The following GABRA5 variants were observed in gnomAD, a reference collection of about 807,000 sequenced individuals.
The protein encoded by GABRA5 is gamma-aminobutyric acid type A receptor subunit alpha5.
Under a neutral mutation model 47.3 loss-of-function variants are expected in GABRA5, and 18 were observed. The observed-to-expected ratio is 0.38, with a 90% CI of 0.26 to 0.56. The LOEUF (loss-of-function observed/expected upper bound fraction) is 0.56. GABRA5 is among the 20% of genes least tolerant of loss of function. The probability of loss-of-function intolerance (pLI) is 0.71; values close to 1 mark genes in which losing one functional copy is unlikely to be tolerated. For synonymous variants in GABRA5, 237 were observed against 229.3 expected (o/e 1.03, Z -0.30); for missense variants, 365 against 599.3 (o/e 0.61, Z 4.08).
chr15:26,901,043 A>G (rs975755021), intron 6 of GABRA5, among the ~76,000 whole-genome samples: 21 of 149,556 alleles, frequency 1.4e-4, no homozygotes, highest in Admixed American at 1.1e-3. Context: ...TGCATACACT[A>G]TAGTTTATCC....
chr15:26,902,322 T>C (rs1451519648), intron 6 of GABRA5, among the ~76,000 whole-genome samples: 1 of 152,006 alleles, frequency 6.6e-6, no homozygotes, highest in Non-Finnish European at 1.5e-5. Context: ...TTTATTAGAG[T>C]TTTCTTGTTT....
intron 7 of GABRA5, among the ~76,000 whole-genome samples, chr15:26,928,923 G>T (rs1894025299): frequency 6.6e-6 from 1 of 151,988 alleles, no homozygotes; most frequent in Non-Finnish European, 1.5e-5. Context: ...CTTTTATAAG[G>T]GCATTAATCC....
chr15:26,931,550 G>A (rs185411151), intron 7 of GABRA5, among the ~76,000 whole-genome samples: 1 of 152,288 alleles, frequency 6.6e-6, no homozygotes, highest in African/African-American at 2.4e-5. Context: ...TCTATAGCAG[G>A]TGTGTTAAGC....
At chr15:26,881,782 C>T (rs1200622639) in intron 4 of GABRA5, among the ~76,000 whole-genome samples, 6 of 152,164 alleles carry the variant, frequency 3.9e-5, no homozygotes, top group Non-Finnish European at 8.8e-5. Context: ...TCACTGCAAC[C>T]TCTGCCTCCC....
intron 7 of GABRA5, among the ~76,000 whole-genome samples, chr15:26,915,141 C>A (rs559724476): frequency 7.2e-5 from 11 of 152,238 alleles, no homozygotes; most frequent in African/African-American, 7.2e-5. Context: ...TGGAATGTGC[C>A]CCTCTGGGGG....
Position 26,948,206 on chromosome 15 carries a change from G to A in GABRA5, c.1362G>A (p.Val454=), listed in dbSNP as rs866012141. The A allele has an allele frequency of 1.2e-6, 2 of 1,612,446 alleles. No homozygotes were observed. Among genetic ancestry groups the A allele is most frequent in the Non-Finnish European group, 1.7e-6 (2 of 1,179,578 alleles). The change falls in exon 11 of 11, where the codon GTG becomes GTA. Residue 454 remains valine (V), a synonymous_variant. Coordinates refer to ENST00000335625, the MANE Select transcript of GABRA5 (RefSeq NM_000810.4). ...CAACGTATTTGAATAGGGAGCCGGT[G>A]ATAAAAGGAGCCGCCTCTCCAAAAT... is the stretch of plus-strand genomic sequence containing the variant. The part of the protein sequence containing the change: ...YWATYLNREP[V]IKGAASPK
At chr15:26,930,324 A>G (rs1254469536) in intron 7 of GABRA5, among the ~76,000 whole-genome samples, 4 of 152,068 alleles carry the variant, frequency 2.6e-5, no homozygotes, top group African/African-American at 9.7e-5. Flanking sequence ...CTTCTTAACT[A>G]ACAATTCCAT....
intron 6 of GABRA5, among the ~76,000 whole-genome samples, chr15:26,894,106 G>A (rs1477243044): frequency 2.1e-5 from 3 of 142,040 alleles, no homozygotes; most frequent in Non-Finnish European, 4.7e-5. Flanking sequence ...GGAGGCTGGA[G>A]CGCAGCGGCC....
chr15:26,929,158 A>G (rs189086573), intron 7 of GABRA5, among the ~76,000 whole-genome samples: 88 of 152,312 alleles, frequency 5.8e-4, no homozygotes, highest in Admixed American at 9.1e-4. Context: ...TCTAAATCAG[A>G]TATGGGTGAG....
chr15:26,917,969 A>G (rs1455336632), intron 7 of GABRA5, among the ~76,000 whole-genome samples: 1 of 149,416 alleles, frequency 6.7e-6, no homozygotes, highest in Non-Finnish European at 1.5e-5. Flanking sequence ...AAAGTTTGTC[A>G]GTTTTATTTT....
chr15:26,918,609 A>G (rs1411544231), intron 7 of GABRA5, among the ~76,000 whole-genome samples: 3 of 152,124 alleles, frequency 2.0e-5, no homozygotes, highest in Non-Finnish European at 4.4e-5. Context: ...CAATGTTTGC[A>G]TTATATTTTC....
At chr15:26,906,271 A>G (rs991462464) in intron 6 of GABRA5, among the ~76,000 whole-genome samples, 1 of 152,160 alleles carries the variant, frequency 6.6e-6, no homozygotes, top group African/African-American at 2.4e-5. Context: ...TTTGACAGAG[A>G]TATTTTTAAT....
chr15:26,883,696 C>G lies in GABRA5; in HGVS notation c.497+139C>G. The G allele has an allele frequency of 1.5e-6, 1 of 679,304 alleles. No homozygotes were observed. Among genetic ancestry groups the G allele is most frequent in the East Asian group, 3.0e-5 (1 of 33,210 alleles). 42.1% of individuals were successfully genotyped at this position (679,304 alleles called of 1,614,324 possible). A position where few individuals can be genotyped will look rare whatever the true frequency, so the allele number is the denominator to read the frequency against. On this transcript the variant is annotated intron_variant, in intron 6 of 10. Coordinates refer to ENST00000335625, the MANE Select transcript of GABRA5 (RefSeq NM_000810.4). The surrounding 1 kb of genome is among the most constrained non-coding windows in gnomAD (Gnocchi z 4.8). The stretch of plus-strand genomic sequence containing the variant: ...GCGGCGCGTGTGTGCTGGGGGTTCC[C>G]CGTTGCCATCTGCCCACACCAGCGC...
intron 6 of GABRA5, among the ~76,000 whole-genome samples, chr15:26,906,259 G>T (rs1354006863): frequency 6.6e-6 from 1 of 152,116 alleles, no homozygotes; most frequent in East Asian, 1.9e-4. Flanking sequence ...GTCAACTAAT[G>T]ATTTGACAGA....
At chr15:26,892,320 TGGCG>T (rs1469969278) in intron 6 of GABRA5, among the ~76,000 whole-genome samples, 1 of 152,206 alleles carries the variant, frequency 6.6e-6, no homozygotes, top group East Asian at 1.9e-4. Flanking sequence ...GCTTCCGCGC[TGGCG>T]GGCAGTGTGG....
At chr15:26,894,568 T>C (rs1893132036) in intron 6 of GABRA5, among the ~76,000 whole-genome samples, 1 of 148,406 alleles carries the variant, frequency 6.7e-6, no homozygotes, top group Non-Finnish European at 1.5e-5. Flanking sequence ...AAGCCTCTTC[T>C]CCTGGTCAAA....
intron 6 of GABRA5, among the ~76,000 whole-genome samples, chr15:26,912,426 C>T (rs541793881): frequency 5.3e-5 from 8 of 152,330 alleles, no homozygotes; most frequent in African/African-American, 1.9e-4. Context: ...TGAATGCCAT[C>T]CTTATAGGTG....
intron 6 of GABRA5, among the ~76,000 whole-genome samples, chr15:26,903,022 T>G (rs576836838): frequency 6.6e-6 from 1 of 152,220 alleles, no homozygotes; most frequent in South Asian, 2.1e-4. Flanking sequence ...ATAAACTGTG[T>G]CACAGTGGTT....
At chr15:26,877,337 C>A (rs1892623668) in intron 3 of GABRA5, among the ~76,000 whole-genome samples, 1 of 152,110 alleles carries the variant, frequency 6.6e-6, no homozygotes, top group African/African-American at 2.4e-5. Context: ...CGGTAATGGG[C>A]ATTTGAGGAA....
Sources: gnomAD v4.1 joint callset for allele counts (sites outside exome capture counted in the v4.1 genomes callset) on GRCh38, gnomAD v4.1.1 for gene constraint, Gnocchi (gnomAD v3.1) non-coding constraint, MANE v1.5 for transcripts, NCBI Gene and HGNC (gene_info 2026-07-23, HGNC 2026-07-21) for gene names.